The following DTWD2 variants were observed in gnomAD, a reference collection of about 807,000 sequenced individuals.
The protein encoded by DTWD2 is DTW motif tRNA-uridine aminocarboxypropyltransferase 2, also known as tRNA-uridine aminocarboxypropyltransferase 2.
Under a neutral mutation model 31.8 loss-of-function variants are expected in DTWD2, and 39 were observed. The observed-to-expected ratio is 1.22, with a 90% CI of 0.95 to 1.60. DTWD2 has a LOEUF of 1.60. Among genes scored for constraint, DTWD2 ranks in the 40% most tolerant of loss-of-function variants. The pLI, the probability that DTWD2 is intolerant of heterozygous loss-of-function variation, is 0.00. For missense variants in DTWD2, 515 were observed against 381.5 expected (o/e 1.35, Z -2.92); for synonymous variants, 180 against 142.8 (o/e 1.26, Z -1.86).
intron 4 of DTWD2, among the ~76,000 whole-genome samples, chr5:118,853,957 A>C (rs1336840589): frequency 2.6e-5 from 4 of 152,192 alleles, no homozygotes; most frequent in Non-Finnish European, 4.4e-5. Flanking sequence ...GGGACTGTTT[A>C]AGAAGGTTAA....
At chr5:118,976,852 C>T (rs1304215690) in intron 1 of DTWD2, among the ~76,000 whole-genome samples, 2 of 152,148 alleles carry the variant, frequency 1.3e-5, no homozygotes, top group African/African-American at 4.8e-5. Context: ...CAGCATCATC[C>T]TGATACCAAA....
rs1291732960 is a variant in DTWD2 at position 118,838,700 on chromosome 5, A to G, written c.*2217T>C. ...TCAGTAAAGTAATTTGGAAAACTAT[A>G]CATACTTCAAGAAAATTTTATACAT... On this transcript the variant is annotated 3_prime_UTR_variant, in exon 6 of 6. Transcript: ENST00000510708. The G allele has an allele frequency of 6.6e-6, 1 of 152,170 alleles. No individual in the cohort carries two copies. The highest frequency in any genetic ancestry group is 1.5e-5 in the Non-Finnish European group (1 of 68,022). The allele number at this position is 152,170 out of a possible 1,614,324, so 9.4% of individuals were successfully genotyped here.
intron 1 of DTWD2, among the ~76,000 whole-genome samples, chr5:118,960,438 C>A (rs1267835851): frequency 6.6e-6 from 1 of 152,016 alleles, no homozygotes; most frequent in Non-Finnish European, 1.5e-5. Flanking sequence ...GAGATGCTGG[C>A]AAGACTGCAG....
intron 4 of DTWD2, among the ~76,000 whole-genome samples, chr5:118,923,014 C>T (rs937985632): frequency 5.9e-5 from 9 of 152,066 alleles, no homozygotes; most frequent in African/African-American, 2.2e-4. Context: ...GTATATACTG[C>T]CAGGTAGGCA....
At chr5:118,957,298 T>C (rs1163739856) in intron 1 of DTWD2, among the ~76,000 whole-genome samples, 1 of 152,038 alleles carries the variant, frequency 6.6e-6, no homozygotes, top group Non-Finnish European at 1.5e-5. Context: ...CTCGGCTCAC[T>C]GCAACCTCCA....
intron 1 of DTWD2, among the ~76,000 whole-genome samples, chr5:118,979,835 T>C (rs114486756): frequency 0.01 from 1,532 of 152,240 alleles, 23 homozygotes; most frequent in African/African-American, 0.034. Context: ...ATAACACAAA[T>C]TGGGGCCTGT....
At chr5:118,932,844 G>A (rs1753957408) in intron 3 of DTWD2, among the ~76,000 whole-genome samples, 1 of 152,038 alleles carries the variant, frequency 6.6e-6, no homozygotes, top group Admixed American at 6.6e-5. Context: ...TGGCCACCCA[G>A]TATGTGGTAT....
chr5:118,985,490 T>TTATATATATATA (rs56393420), intron 1 of DTWD2, among the ~76,000 whole-genome samples: 9,996 of 94,610 alleles, frequency 0.11, 688 homozygotes, highest in Admixed American at 0.14. Context: ...ATGTGCATTT[T>TTATATATATATA]TATATATATA....
intron 1 of DTWD2, among the ~76,000 whole-genome samples, chr5:118,971,045 C>T (rs1561476717): frequency 6.6e-6 from 1 of 152,098 alleles, no homozygotes; most frequent in Non-Finnish European, 1.5e-5. Flanking sequence ...CTGAAGTACG[C>T]AAATCAGTGA....
Position 118,903,696 on chromosome 5 carries a change from G to A in DTWD2, c.597+24841C>T, listed in dbSNP as rs140601023. 7.2e-4 allele frequency among the ~76,000 whole-genome samples: 109 copies of A among 151,748 alleles called. 2 individuals are homozygous for A. The highest frequency in any genetic ancestry group is 2.4e-3 in the African/African-American group (101 of 41,420). ...TTAAGTATTACAAACATTATGTTCC[G>A]TCATTATGAAGATGAAATCCCATTA... On this transcript the variant is annotated intron_variant, in intron 4 of 5. Transcript: ENST00000510708.
chr5:118,985,489 T>TA (rs1223086852), intron 1 of DTWD2, among the ~76,000 whole-genome samples: 1,248 of 79,508 alleles, frequency 0.016, 27 homozygotes, highest in East Asian at 0.055. Context: ...TATGTGCATT[T>TA]TTATATATAT....
At chr5:118,934,077 C>G (rs59989704) in intron 3 of DTWD2, among the ~76,000 whole-genome samples, 1 of 150,372 alleles carries the variant, frequency 6.7e-6, no homozygotes, top group African/African-American at 2.4e-5. Context: ...AAATGAAATT[C>G]TTAGGTGTGA....
chr5:118,941,938 A>G (rs1471450153), intron 2 of DTWD2, among the ~76,000 whole-genome samples: 2 of 152,186 alleles, frequency 1.3e-5, no homozygotes, highest in Non-Finnish European at 2.9e-5. Flanking sequence ...AGTGATGAAG[A>G]GCATTTTTTC....
chr5:118,852,119 C>T (rs1400561959), intron 4 of DTWD2, among the ~76,000 whole-genome samples: 3 of 152,148 alleles, frequency 2.0e-5, no homozygotes, highest in South Asian at 2.1e-4. Context: ...CTTGCACCTC[C>T]GTTTATAGGC....
At chr5:118,886,319 T>C (rs1752866834) in intron 4 of DTWD2, among the ~76,000 whole-genome samples, 1 of 152,222 alleles carries the variant, frequency 6.6e-6, no homozygotes, top group Non-Finnish European at 1.5e-5. Flanking sequence ...CTTCCTCAGT[T>C]ATCTTGTAGT....
chr5:118,898,427 G>A (rs1753129371), intron 4 of DTWD2, among the ~76,000 whole-genome samples: 1 of 151,768 alleles, frequency 6.6e-6, no homozygotes, highest in Non-Finnish European at 1.5e-5. Flanking sequence ...GGAGGCTGAG[G>A]TAGGCAGATC....
At chr5:118,871,592 A>T (rs956301547) in intron 4 of DTWD2, among the ~76,000 whole-genome samples, 1 of 152,202 alleles carries the variant, frequency 6.6e-6, no homozygotes, top group African/African-American at 2.4e-5. Context: ...TTGCGTGAAC[A>T]GTAATATTTT....
At chr5:118,857,514 G>T (rs1270983256) in intron 4 of DTWD2, among the ~76,000 whole-genome samples, 1 of 151,954 alleles carries the variant, frequency 6.6e-6, no homozygotes, top group Non-Finnish European at 1.5e-5. Flanking sequence ...CAAAAATTGG[G>T]CTGTCTTCTT....
chr5:118,913,450 C>CGT lies in DTWD2; in HGVS notation c.597+15085_597+15086dup, dbSNP rs397934688. On this transcript the variant is annotated intron_variant, in intron 4 of 5. Transcript: ENST00000510708. ...ATATATATACACACACACACACACA[C>CGT]GTGTGTGTGTGTTTCTCTCTGGAGA... Among the ~76,000 whole-genome samples the CGT allele has an allele frequency of 8.7e-3, 1,266 of 146,324 alleles. 19 individuals carry two copies. The highest frequency in any genetic ancestry group is 0.03 in the African/African-American group (1,224 of 40,238).
Sources: allele counts gnomAD v4.1 joint callset (sites outside exome capture counted in the v4.1 genomes callset), GRCh38; gene constraint gnomAD v4.1.1; transcripts MANE v1.5; gene names NCBI Gene and HGNC (gene_info 2026-07-23, HGNC 2026-07-21).